TRPC4: variants seen among roughly 807,000 people sequenced by gnomAD.
TRPC4 encodes short transient receptor potential channel 4.
A neutral mutation model predicts 99.4 loss-of-function variants in TRPC4; 49 were observed. The observed-to-expected ratio is 0.49, with a 90% confidence interval of 0.39 to 0.63. The LOEUF (loss-of-function observed/expected upper bound fraction) is 0.63, where lower values mean the gene tolerates loss of function less well. Among genes scored for constraint, TRPC4 ranks in the 20% least tolerant of loss-of-function variants. TRPC4 has a pLI of 0.00. For missense variants in TRPC4, 898 were observed against 1,152.9 expected (o/e 0.78, Z 3.20); for synonymous variants, 454 against 425.9 (o/e 1.07, Z -0.81).
rs1957920096 is a variant in TRPC4, at chr13:37,818,318, T to A, written c.-27-34958A>T. 2.6e-5 allele frequency among the ~76,000 whole-genome samples: 4 copies of A among 152,064 alleles called. No homozygotes were observed. In the South Asian group the frequency reaches 8.3e-4, roughly 31 times the overall value. On this transcript the variant is annotated intron_variant, in intron 1 of 10. Coordinates refer to ENST00000379705, the MANE Select transcript of TRPC4 (RefSeq NM_016179.4). ...AGGAAATGACAGATGCTGGAGAGGA[T>A]GTGGAGAAATAGGAATGCTTTTACA... is the stretch of plus-strand genomic sequence containing the variant.
intron 3 of TRPC4, among the ~76,000 whole-genome samples, chr13:37,698,961 C>G (rs1048966135): frequency 6.6e-6 from 1 of 152,164 alleles, no homozygotes; most frequent in Non-Finnish European, 1.5e-5. Flanking sequence ...TTCATCATGA[C>G]TCCAAAGTTA....
Position 37,655,141 on chromosome 13 carries a change from C to A in TRPC4, c.1831G>T (p.Val611Phe). The A allele has an allele frequency of 6.2e-7, 1 of 1,601,264 alleles. No homozygotes were observed. The highest frequency in any genetic ancestry group is 8.5e-7 in the Non-Finnish European group (1 of 1,172,938). ...FGTYNVISLV[V>F]LLNMLIAMMN... ...ATAGCTATTAACATGTTGAGTAGAA[C>A]AACCAGAGAGATGACATTGTATGTC... is the stretch of plus-strand genomic sequence containing the variant. Residue 611 changes from valine to phenylalanine, a missense_variant, in exon 7 of 11, where the codon GTT becomes TTT. Coordinates refer to ENST00000379705, the MANE Select transcript of TRPC4 (RefSeq NM_016179.4).
intron 3 of TRPC4, among the ~76,000 whole-genome samples, chr13:37,745,458 A>ATGCGTG (rs1555265728): frequency 1.5e-4 from 1 of 6,584 alleles, no homozygotes; most frequent in African/African-American, 3.9e-4. Flanking sequence ...ATATATATAT[A>ATGCGTG]TATATATATA....
chr13:37,760,870 C>T (rs776346165), intron 2 of TRPC4, among the ~76,000 whole-genome samples: 18 of 151,880 alleles, frequency 1.2e-4, no homozygotes, highest in Non-Finnish European at 1.6e-4. Context: ...AACTTAATAT[C>T]AATAACTACT....
At chr13:37,750,715 G>C (rs376882567) in intron 2 of TRPC4, among the ~76,000 whole-genome samples, 28 of 152,030 alleles carry the variant, frequency 1.8e-4, no homozygotes, top group African/African-American at 6.5e-4. Context: ...TTGTTACATA[G>C]GTATACACGT....
intron 1 of TRPC4, among the ~76,000 whole-genome samples, chr13:37,793,438 C>T (rs1030227372): frequency 7.4e-6 from 1 of 134,834 alleles, no homozygotes; most frequent in African/African-American, 2.8e-5. Context: ...CCTCCCCCCT[C>T]CCCCTACCCC....
At chr13:37,752,693 G>A (rs1303397904) in intron 2 of TRPC4, among the ~76,000 whole-genome samples, 1 of 151,712 alleles carries the variant, frequency 6.6e-6, no homozygotes, top group African/African-American at 2.4e-5. Context: ...GGTCTTTGGG[G>A]TATACAGAGA....
intron 1 of TRPC4, among the ~76,000 whole-genome samples, chr13:37,839,504 C>T (rs1208582964): frequency 6.6e-6 from 1 of 152,128 alleles, no homozygotes; most frequent in African/African-American, 2.4e-5. Context: ...CACCTGAGAG[C>T]TTTAACTCAA....
chr13:37,796,628 T>G (rs1317734271), intron 1 of TRPC4, among the ~76,000 whole-genome samples: 6 of 152,072 alleles, frequency 3.9e-5, no homozygotes, highest in Non-Finnish European at 8.8e-5. Flanking sequence ...GGAGCTCCCC[T>G]AAATATTAGT....
At chr13:37,712,827 C>G (rs760102874) in intron 3 of TRPC4, among the ~76,000 whole-genome samples, 6 of 152,112 alleles carry the variant, frequency 3.9e-5, no homozygotes, top group Admixed American at 1.3e-4. Context: ...TCTCATGTGC[C>G]TGAGATCTTA....
At chr13:37,657,089 A>G (rs1249988471) in intron 6 of TRPC4, among the ~76,000 whole-genome samples, 1 of 152,210 alleles carries the variant, frequency 6.6e-6, no homozygotes, top group Admixed American at 6.5e-5. Context: ...TGCTTTTTTA[A>G]AAAGGTAAAA....
At position 37,632,696 on chromosome 13, in the gene TRPC4, A is replaced by G. The variant is rs369095476; in HGVS notation, c.*4207T>C. On this transcript the variant is annotated 3_prime_UTR_variant, in exon 11 of 11. Coordinates refer to ENST00000379705, the MANE Select transcript of TRPC4 (RefSeq NM_016179.4). ...AGTTGAGAAGCTTTGATATAATTTA[A>G]TACATTTTATTATTACCAGTATGCA... Among the ~76,000 whole-genome samples the G allele has an allele frequency of 3.7e-4, 56 of 152,314 alleles. No homozygotes were observed. The highest frequency in any genetic ancestry group is 1.3e-3 in the African/African-American group (54 of 41,588).
intron 1 of TRPC4, among the ~76,000 whole-genome samples, chr13:37,825,815 T>A (rs1958187769): frequency 6.6e-6 from 1 of 151,932 alleles, no homozygotes; most frequent in East Asian, 1.9e-4. Flanking sequence ...TGAGTTTAAT[T>A]CCTGGGTATC....
chr13:37,642,604 C>T (rs1308482267), intron 8 of TRPC4, among the ~76,000 whole-genome samples: 2 of 152,114 alleles, frequency 1.3e-5, no homozygotes, highest in Non-Finnish European at 2.9e-5. Flanking sequence ...ATTGGGAAAG[C>T]TGGTTGTCTA....
chr13:37,647,729 T>C (rs1345658075), intron 8 of TRPC4, among the ~76,000 whole-genome samples: 1 of 152,244 alleles, frequency 6.6e-6, no homozygotes, highest in Non-Finnish European at 1.5e-5. Context: ...TTTCACAAAG[T>C]GAGTGTCACT....
intron 3 of TRPC4, among the ~76,000 whole-genome samples, chr13:37,745,473 T>TATATATAC (rs1288455219): frequency 3.5e-3 from 19 of 5,360 alleles, no homozygotes; most frequent in Admixed American, 0.011. Context: ...TATATATATA[T>TATATATAC]ACACACACAC....
At chr13:37,810,025 T>C (rs1001391000) in intron 1 of TRPC4, among the ~76,000 whole-genome samples, 4 of 152,116 alleles carry the variant, frequency 2.6e-5, no homozygotes, top group African/African-American at 9.7e-5. Context: ...TATCAGTCTC[T>C]TGACATGACT....
intron 1 of TRPC4, among the ~76,000 whole-genome samples, chr13:37,812,714 A>G (rs1351237669): frequency 6.6e-6 from 1 of 152,112 alleles, no homozygotes; most frequent in Non-Finnish European, 1.5e-5. Context: ...ATAATGAAAA[A>G]GATGTTTTCC....
chr13:37,779,502 T>C (rs1956785017), intron 2 of TRPC4, among the ~76,000 whole-genome samples: 1 of 152,022 alleles, frequency 6.6e-6, no homozygotes. Context: ...TTTAATGATC[T>C]ATACCCATCT....
Sources: gnomAD v4.1 joint callset for allele counts (sites outside exome capture counted in the v4.1 genomes callset) on GRCh38, gnomAD v4.1.1 for gene constraint, MANE v1.5 for transcripts, NCBI Gene and HGNC (gene_info 2026-07-23, HGNC 2026-07-21) for gene names.